The following PCDHGB2 variants were observed in gnomAD, a reference collection of about 807,000 sequenced individuals.
The protein encoded by PCDHGB2 is protocadherin gamma-B2.
In PCDHGB2, 55 loss-of-function variants were observed where a neutral mutation model predicts 59.3. That is an observed-to-expected ratio of 0.93 (90% CI 0.75 to 1.16). The LOEUF (loss-of-function observed/expected upper bound fraction) is 1.16. PCDHGB2 is among the 50% of genes most tolerant of loss of function. The pLI, the probability that PCDHGB2 is intolerant of heterozygous loss-of-function variation, is 0.00. For synonymous variants in PCDHGB2, 516 were observed against 512.0 expected, an observed-to-expected ratio of 1.01 and a Z score of -0.11; for missense variants, 1,228 against 1,198.5, an observed-to-expected ratio of 1.02 and a Z score of -0.36.
rs141151122 is a variant in PCDHGB2, at chr5:141,491,445, C to T, written c.2422-3362C>T. ...GAGGGCAGTGCTGCAGGCGCCAGGA[C>T]TCACCCTCCCCGGACTTCTATAAGC... is the stretch of plus-strand genomic sequence containing the variant. On this transcript the variant is annotated intron_variant, in intron 1 of 3. Transcript: ENST00000522605. This position sits in a 1 kb window ranked among gnomAD's most constrained non-coding sequence, Gnocchi z 6.9. 1 of 1,614,112 alleles carries T rather than the reference C, an allele frequency of 6.2e-7. No individual in the cohort carries two copies. The highest frequency in any genetic ancestry group is 8.5e-7 in the Non-Finnish European group (1 of 1,180,032).
At chr5:141,364,496 C>A in intron 1 of PCDHGB2, 3 of 1,613,998 alleles carry the variant, frequency 1.9e-6, no homozygotes, top group South Asian at 2.2e-5. Flanking sequence ...TGGGCTGGAG[C>A]CCCAGGAGCT....
At position 141,432,730 on chromosome 5, in the gene PCDHGB2, T is replaced by A; in HGVS notation, c.2422-62077T>A. 6.2e-7 allele frequency: 1 copy of A among 1,614,052 alleles called. No homozygotes were observed. Among genetic ancestry groups the A allele is most frequent in the Non-Finnish European group, 8.5e-7 (1 of 1,179,976 alleles). Reference sequence around the variant, plus strand: ...ACGGCCAGCCCCCTCTCTCCGCCACTGTCACGCTCACCGTGGCCGTGGCCG... The same window carrying A: ...ACGGCCAGCCCCCTCTCTCCGCCACAGTCACGCTCACCGTGGCCGTGGCCG... On this transcript the variant is annotated intron_variant, in intron 1 of 3. Transcript: ENST00000522605. The surrounding 1 kb of genome is among the most constrained non-coding windows in gnomAD (Gnocchi z 6.0).
In PCDHGB2 at chr5:141,414,978, C is replaced by T. The variant is rs757917979; in HGVS notation, c.2421+52422C>T. On this transcript the variant is annotated intron_variant, in intron 1 of 3. Coordinates refer to ENST00000522605, the MANE Select transcript of PCDHGB2 (RefSeq NM_018923.3). The stretch of plus-strand genomic sequence containing the variant: ...CCAAGGTGGTGGCGGTGGACAGAGA[C>T]TCCGGCCAGAACGCCTGGCTGTCCT... 8 of 1,613,878 alleles carry T rather than the reference C, an allele frequency of 5.0e-6. No individual in the cohort carries two copies. The South Asian group carries it at 8.8e-5, about 18-fold the overall frequency.
At chr5:141,387,848 C>T (rs746271589) in intron 1 of PCDHGB2, 1 of 1,597,460 alleles carries the variant, frequency 6.3e-7, no homozygotes, top group South Asian at 1.1e-5. Flanking sequence ...AACCCGGCGT[C>T]TCCAGGCTGG....
intron 1 of PCDHGB2, chr5:141,372,773 T>C: frequency 1.2e-6 from 2 of 1,610,720 alleles, no homozygotes; most frequent in Non-Finnish European, 8.5e-7. Flanking sequence ...GTAATGACAA[T>C]CCAGAAATGC....
intron 1 of PCDHGB2, among the ~76,000 whole-genome samples, chr5:141,450,322 T>A (rs1246284108): frequency 6.6e-6 from 1 of 152,106 alleles, no homozygotes; most frequent in African/African-American, 2.4e-5. Context: ...CTAGTTGCCA[T>A]GTCTCTTTAA....
At chr5:141,409,964 G>A (rs1042730924) in intron 1 of PCDHGB2, 5 of 1,613,300 alleles carry the variant, frequency 3.1e-6, no homozygotes, top group East Asian at 2.2e-5. Flanking sequence ...CGGCTACCTA[G>A]TGACTAAGGT....
chr5:141,470,369 T>C (rs751264270), intron 1 of PCDHGB2, among the ~76,000 whole-genome samples: 2 of 152,226 alleles, frequency 1.3e-5, no homozygotes, highest in Non-Finnish European at 1.5e-5. Context: ...TTAGGTTGAA[T>C]GGAAAGACTA....
At chr5:141,374,497 G>T in intron 1 of PCDHGB2, 5 of 1,611,562 alleles carry the variant, frequency 3.1e-6, no homozygotes, top group Non-Finnish European at 4.2e-6. Flanking sequence ...AGGAAGAATT[G>T]GAAGTGAAAA....
intron 1 of PCDHGB2, chr5:141,387,669 T>A: frequency 1.4e-6 from 1 of 693,784 alleles, no homozygotes; most frequent in East Asian, 2.8e-5. Context: ...GCGCTCCAGA[T>A]CTCCTCGCGC....
intron 1 of PCDHGB2, chr5:141,428,142 C>A: frequency 6.3e-7 from 1 of 1,594,260 alleles, no homozygotes; most frequent in Non-Finnish European, 8.6e-7. Flanking sequence ...CCTGGGGCTG[C>A]ACACGGGAAC....
chr5:141,388,742 G>A (rs1340234849), intron 1 of PCDHGB2: 12 of 1,614,004 alleles, frequency 7.4e-6, no homozygotes, highest in Non-Finnish European at 1.0e-5. Flanking sequence ...AAGCTAGCCA[G>A]ATCACCCAAT....
At chr5:141,403,414 T>C (rs373392812) in intron 1 of PCDHGB2, 142 of 1,613,926 alleles carry the variant, frequency 8.8e-5, no homozygotes, top group Middle Eastern at 1.6e-4. Context: ...GTTATCCACT[T>C]CCAGAAGCTA....
chr5:141,410,252 C>A, intron 1 of PCDHGB2: 2 of 1,613,998 alleles, frequency 1.2e-6, no homozygotes. Context: ...ACTCTCTGAC[C>A]CCCAGGCTGA....
Position 141,489,338 on chromosome 5 carries a change from A to T in PCDHGB2, c.2422-5469A>T, listed in dbSNP as rs1303176012. 1 of 1,608,414 alleles carries T rather than the reference A, an allele frequency of 6.2e-7. No homozygotes were observed. Among genetic ancestry groups the T allele is most frequent in the South Asian group, 1.1e-5 (1 of 90,478 alleles). ...GGCTGGGTGTCTGGGCAGCTTCGTTACTCAGTGGTGGAGGAGTCTGAGCCG... is the reference window on the plus strand; with the variant it reads ...GGCTGGGTGTCTGGGCAGCTTCGTTTCTCAGTGGTGGAGGAGTCTGAGCCG... On this transcript the variant is annotated intron_variant, in intron 1 of 3. Coordinates refer to ENST00000522605, the MANE Select transcript of PCDHGB2 (RefSeq NM_018923.3). This position sits in a 1 kb window ranked among gnomAD's most constrained non-coding sequence, Gnocchi z 4.5.
chr5:141,447,709 T>C (rs896203283), intron 1 of PCDHGB2, among the ~76,000 whole-genome samples: 1 of 152,210 alleles, frequency 6.6e-6, no homozygotes, highest in East Asian at 1.9e-4. Context: ...TATAAGGATG[T>C]ACACATTTTC....
chr5:141,506,398 A>T (rs902405970), intron 3 of PCDHGB2, among the ~76,000 whole-genome samples: 6 of 151,394 alleles, frequency 4.0e-5, no homozygotes, highest in Admixed American at 2.6e-4. Context: ...GTGAGCAGAA[A>T]ATCGCACCAC....
chr5:141,394,269 C>T (rs367765478), intron 1 of PCDHGB2: 2 of 1,613,948 alleles, frequency 1.2e-6, no homozygotes, highest in Admixed American at 3.3e-5. Context: ...GGAGAATGCC[C>T]AGGTCACTTA....
At chr5:141,500,184 T>TTATA (rs530565701) in intron 2 of PCDHGB2, among the ~76,000 whole-genome samples, 2 of 135,886 alleles carry the variant, frequency 1.5e-5, no homozygotes, top group Non-Finnish European at 3.2e-5. Flanking sequence ...TCATTTTTAT[T>TTATA]TTTATTTATT....
Sources: gnomAD v4.1 joint callset for allele counts (sites outside exome capture counted in the v4.1 genomes callset) on GRCh38, gnomAD v4.1.1 for gene constraint, Gnocchi (gnomAD v3.1) non-coding constraint, MANE v1.5 for transcripts, NCBI Gene and HGNC (gene_info 2026-07-23, HGNC 2026-07-21) for gene names.